The following FER variants were observed in gnomAD, a reference collection of about 807,000 sequenced individuals.
FER encodes FER tyrosine kinase, also known as tyrosine-protein kinase Fer.
In FER, 63 loss-of-function variants were observed where a neutral mutation model predicts 111.0. The ratio of observed to expected loss-of-function variants is 0.57; its 90% CI spans 0.46 to 0.70. The LOEUF (loss-of-function observed/expected upper bound fraction) is 0.70, where lower values mean the gene tolerates loss of function less well. Ranked by LOEUF, FER falls within the 30% of genes least tolerant of loss-of-function variation. The pLI is 0.00. For missense variants in FER, 914 were observed against 954.0 expected (o/e 0.96, Z 0.55); for synonymous variants, 327 against 313.9 (o/e 1.04, Z -0.44).
At chr5:108,919,801 T>C (rs1294870203) in intron 10 of FER, among the ~76,000 whole-genome samples, 1 of 152,148 alleles carries the variant, frequency 6.6e-6, no homozygotes, top group Non-Finnish European at 1.5e-5. Context: ...AGCCAACAGA[T>C]GTGTAATCAG....
intron 17 of FER, among the ~76,000 whole-genome samples, chr5:109,164,000 A>G (rs1333825554): frequency 6.6e-6 from 1 of 152,178 alleles, no homozygotes; most frequent in Non-Finnish European, 1.5e-5. Context: ...TGTTTTGCCT[A>G]TTGTTGTATT....
chr5:108,876,893 A>T (rs754482454), intron 8 of FER, among the ~76,000 whole-genome samples: 11 of 152,192 alleles, frequency 7.2e-5, no homozygotes, highest in African/African-American at 2.7e-4. Context: ...TTGCATTACG[A>T]TAACATGTGC....
chr5:108,789,020 T>C (rs1755059994), intron 2 of FER, among the ~76,000 whole-genome samples: 1 of 152,052 alleles, frequency 6.6e-6, no homozygotes, highest in Admixed American at 6.5e-5. Context: ...TCTTATGTCT[T>C]ATTAGCTCCC....
chr5:109,168,765 A>C (rs1342879903), intron 17 of FER, among the ~76,000 whole-genome samples: 2 of 152,230 alleles, frequency 1.3e-5, no homozygotes. Context: ...AGTAATTCAC[A>C]TTGAATTTCA....
At chr5:109,124,627 T>A (rs1424537328) in intron 17 of FER, among the ~76,000 whole-genome samples, 1 of 151,980 alleles carries the variant, frequency 6.6e-6, no homozygotes. Context: ...GTTGTTTTGC[T>A]CCCCTTCCTG....
At chr5:109,071,998 T>C (rs1581904566) in intron 16 of FER, among the ~76,000 whole-genome samples, 1 of 151,852 alleles carries the variant, frequency 6.6e-6, no homozygotes, top group African/African-American at 2.4e-5. Flanking sequence ...GTGTGCGTTA[T>C]GTTACGAACC....
chr5:109,112,668 C>G (rs1006673708), intron 17 of FER, among the ~76,000 whole-genome samples: 1 of 152,070 alleles, frequency 6.6e-6, no homozygotes, highest in Admixed American at 6.6e-5. Context: ...TGGTGTGTTT[C>G]GACCTTAGTT....
chr5:108,983,662 A>T (rs1183974850), intron 13 of FER, among the ~76,000 whole-genome samples: 1 of 152,110 alleles, frequency 6.6e-6, no homozygotes, highest in East Asian at 1.9e-4. Flanking sequence ...GGAGTTACTC[A>T]TCTGAAGTCT....
intron 17 of FER, among the ~76,000 whole-genome samples, chr5:109,107,049 G>A (rs190323322): frequency 7.4e-4 from 112 of 152,132 alleles, no homozygotes; most frequent in African/African-American, 2.6e-3. Flanking sequence ...GAGAGGAGAA[G>A]GAATGAAGGG....
At chr5:109,125,061 A>AAAAG (rs1315041178) in intron 17 of FER, among the ~76,000 whole-genome samples, 1 of 151,652 alleles carries the variant, frequency 6.6e-6, no homozygotes, top group Non-Finnish European at 1.5e-5. Context: ...AAAAAAAAAA[A>AAAAG]AAAGAAGAAA....
intron 13 of FER, among the ~76,000 whole-genome samples, chr5:109,033,808 G>C (rs112591745): frequency 3.0e-4 from 46 of 151,996 alleles, no homozygotes; most frequent in African/African-American, 9.4e-4. Flanking sequence ...GCCTCTTACA[G>C]GCTGAGTCAC....
chr5:108,966,304 G>A (rs1219996704), intron 13 of FER, among the ~76,000 whole-genome samples: 2 of 151,584 alleles, frequency 1.3e-5, no homozygotes, highest in Non-Finnish European at 2.9e-5. Context: ...TTGAAAGGCA[G>A]GATTTGATAT....
intron 2 of FER, among the ~76,000 whole-genome samples, chr5:108,797,431 C>T (rs1756154450): frequency 6.6e-6 from 1 of 152,152 alleles, no homozygotes; most frequent in Non-Finnish European, 1.5e-5. Flanking sequence ...GGGCAATTCC[C>T]CTCTGGCTAT....
chr5:109,116,762 A>G (rs1179871363), intron 17 of FER, among the ~76,000 whole-genome samples: 1 of 152,182 alleles, frequency 6.6e-6, no homozygotes, highest in Non-Finnish European at 1.5e-5. Context: ...ACTCTTTGTA[A>G]GTAAAGACAA....
In FER at chr5:108,835,813, G is replaced by A; in HGVS notation, c.481+6G>A. 6.7e-7 allele frequency: 1 copy of A among 1,497,730 alleles called. No individual in the cohort carries two copies. Among genetic ancestry groups the A allele is most frequent in the Non-Finnish European group, 9.0e-7 (1 of 1,115,212 alleles). The allele number at this position is 1,497,730 out of a possible 1,614,324, so 92.8% of individuals were successfully genotyped here. ...TAAAGAAGCTTTAGCTAAAGGTAAGGCAAAATTTTAAAAATTGTTTACTTA... is the reference window on the plus strand; with the variant it reads ...TAAAGAAGCTTTAGCTAAAGGTAAGACAAAATTTTAAAAATTGTTTACTTA... On this transcript the variant is annotated splice_donor_region_variant and intron_variant, in intron 5 of 19. Coordinates refer to ENST00000281092, the MANE Select transcript of FER (RefSeq NM_005246.4).
chr5:108,760,913 C>A (rs142054731), intron 1 of FER, among the ~76,000 whole-genome samples: 1 of 151,634 alleles, frequency 6.6e-6, no homozygotes, highest in African/African-American at 2.4e-5. Flanking sequence ...AGAGGTTCAG[C>A]TTATTTTGGC....
intron 11 of FER, among the ~76,000 whole-genome samples, chr5:108,948,393 A>T (rs1486447724): frequency 6.6e-6 from 1 of 152,068 alleles, no homozygotes; most frequent in African/African-American, 2.4e-5. Flanking sequence ...TAATATTTTA[A>T]TATGTTATAT....
At chr5:109,170,254 A>G (rs1026579461) in intron 17 of FER, among the ~76,000 whole-genome samples, 11 of 152,220 alleles carry the variant, frequency 7.2e-5, no homozygotes, top group Non-Finnish European at 1.5e-5. Context: ...TTCTTATTCC[A>G]TAGCCTAAGT....
chr5:108,876,423 A>G lies in FER; in HGVS notation c.923+4211A>G, dbSNP rs551637588. 3.3e-5 allele frequency among the ~76,000 whole-genome samples: 5 copies of G among 152,320 alleles called. No individual in the cohort carries two copies. In the East Asian group the frequency reaches 9.6e-4, roughly 29 times the overall value. On this transcript the variant is annotated intron_variant, in intron 8 of 19. Transcript: ENST00000281092. Reference sequence around the variant, plus strand: ...TCATTACTTCACACATCTGCTTGGCACTATACAAATCACAGTGACACAGTT... The same window carrying G: ...TCATTACTTCACACATCTGCTTGGCGCTATACAAATCACAGTGACACAGTT...
Sources: allele counts gnomAD v4.1 joint callset (sites outside exome capture counted in the v4.1 genomes callset), GRCh38; gene constraint gnomAD v4.1.1; transcripts MANE v1.5; gene names NCBI Gene and HGNC (gene_info 2026-07-23, HGNC 2026-07-21).